Variants in HAGH observed in about 807,000 individuals in gnomAD.
The protein encoded by HAGH is hydroxyacylglutathione hydrolase, also known as hydroxyacylglutathione hydrolase, mitochondrial.
A neutral mutation model predicts 35.1 loss-of-function variants in HAGH; 29 were observed. The ratio of observed to expected loss-of-function variants is 0.83; its 90% CI spans 0.62 to 1.13. The LOEUF (loss-of-function observed/expected upper bound fraction) is 1.13, where lower values mean the gene tolerates loss of function less well. Ranked by LOEUF, HAGH falls within the 50% of genes most tolerant of loss-of-function variation. The pLI is 0.00. For missense variants in HAGH, 478 were observed against 419.6 expected, an observed-to-expected ratio of 1.14 and a Z score of -1.22; for synonymous variants, 225 against 176.1, an observed-to-expected ratio of 1.28 and a Z score of -2.20.
rs562190066 is a variant in HAGH, at chr16:1,811,677, C to T, written c.748-1844G>A. On this transcript the variant is annotated intron_variant, in intron 7 of 8. Transcript: ENST00000397356. ...GCAGTAGTGAGCCGAGATCGCACCACTGCACTCCAGCTTGGGTGACAGAGT... is the reference window on the plus strand; with the variant it reads ...GCAGTAGTGAGCCGAGATCGCACCATTGCACTCCAGCTTGGGTGACAGAGT... 3.3e-5 allele frequency among the ~76,000 whole-genome samples: 5 copies of T among 152,164 alleles called. No individual in the cohort carries two copies. In the South Asian group the frequency reaches 1.0e-3, roughly 32 times the overall value.
chr16:1,809,592 C>T (rs112220973), intron 8 of HAGH, 162 bp downstream of exon 8: 13,245 of 694,014 alleles, frequency 0.019, 211 homozygotes, highest in South Asian at 0.019. Flanking sequence ...CAGGAAAGGC[C>T]GGACCCCCCT....
At chr16:1,820,154 A>C (rs1234524083) in intron 3 of HAGH, 140 bp from the exon 4 acceptor site, 5 of 692,274 alleles carry the variant, frequency 7.2e-6, no homozygotes, top group Non-Finnish European at 1.3e-5. Flanking sequence ...TTCCACTCAC[A>C]AAGGAAACCG....
intron 7 of HAGH, chr16:1,810,190 C>T (rs1463436011): frequency 8.1e-6 from 2 of 247,034 alleles, no homozygotes; most frequent in Admixed American, 4.9e-5. Flanking sequence ...TCCTGGTAAC[C>T]TTAGGACACT....
At chr16:1,809,940 G>C in intron 7 of HAGH, 107 bp from the exon 8 acceptor site, 1 of 777,900 alleles carries the variant, frequency 1.3e-6, no homozygotes, top group Non-Finnish European at 2.2e-6. Flanking sequence ...AAGGCAGATG[G>C]ATCACTTGAG....
chr16:1,817,094 G>A (rs762163912), intron 6 of HAGH, 74 bp downstream of exon 6: 16 of 1,319,932 alleles, frequency 1.2e-5, no homozygotes, highest in Admixed American at 1.7e-5. Context: ...CCGGTGAGAG[G>A]GTGCCAGGAG....
chr16:1,813,194 C>T (rs1897742167), intron 7 of HAGH, among the ~76,000 whole-genome samples: 1 of 152,130 alleles, frequency 6.6e-6, no homozygotes. Context: ...CTGTTAGTTC[C>T]CACAGGATCT....
intron 3 of HAGH, chr16:1,821,772 T>TA (rs1348569910): frequency 1.3e-5 from 2 of 152,354 alleles, no homozygotes; most frequent in Non-Finnish European, 2.9e-5. Flanking sequence ...TAGCTGAGAT[T>TA]ACAGGCGCCC....
chr16:1,813,384 C>T (rs1320802766), intron 7 of HAGH, among the ~76,000 whole-genome samples: 2 of 152,164 alleles, frequency 1.3e-5, no homozygotes, highest in Admixed American at 1.3e-4. Flanking sequence ...CATAAACCTC[C>T]TTTTATAAGT....
rs1301242540 is a variant in HAGH, at chr16:1,824,589, CTGGG to C, written c.77-1556_77-1553del. ...GAAGGTGGCAGAGGACAGTGCAGTC[CTGGG>C]GTAGGTGCCACGGCAGGGGCTTCTC... is the stretch of plus-strand genomic sequence containing the variant. On this transcript the variant is annotated intron_variant, in intron 1 of 8. Coordinates refer to ENST00000397356, the MANE Select transcript of HAGH (RefSeq NM_005326.6). 2.0e-5 allele frequency among the ~76,000 whole-genome samples: 3 copies of C among 152,206 alleles called. No individual in the cohort carries two copies. The East Asian group carries it at 5.8e-4, about 29-fold the overall frequency.
chr16:1,811,001 A>G (rs1186897959), intron 7 of HAGH: 1 of 152,262 alleles, frequency 6.6e-6, no homozygotes, highest in East Asian at 1.9e-4. Flanking sequence ...TAACACTTCT[A>G]AGGAGACCTT....
chr16:1,826,527 G>GGCCCCGCGCCC (rs1240601391), intron 1 of HAGH, 185 bp downstream of exon 1: 2 of 980,806 alleles, frequency 2.0e-6, no homozygotes, highest in East Asian at 2.3e-4. Flanking sequence ...CCGCACCCGC[G>GGCCCCGCGCCC]GCCCCGCGCC....
intron 1 of HAGH, 141 bp downstream of exon 1, chr16:1,826,571 C>T: frequency 2.0e-6 from 2 of 982,772 alleles, no homozygotes; most frequent in Non-Finnish European, 2.4e-6. Context: ...TGCGCCGCCT[C>T]CGCTCGAGCC....
At chr16:1,816,182 C>T (rs1352354074) in intron 7 of HAGH, among the ~76,000 whole-genome samples, 3 of 128,972 alleles carry the variant, frequency 2.3e-5, no homozygotes, top group African/African-American at 9.0e-5. Context: ...CCAGCCTGGG[C>T]GACAGAGGGA....
At chr16:1,827,139 CG>C (rs999382158), upstream of HAGH, 67 of 1,479,500 alleles carry the variant, frequency 4.5e-5, no homozygotes, top group Non-Finnish European at 5.7e-5. Context: ...GCCGTCGCTG[CG>C]GGGGACAGCG....
intron 5 of HAGH, 98 bp from the exon 6 acceptor site, chr16:1,817,369 C>G: frequency 1.2e-6 from 1 of 804,934 alleles, no homozygotes; most frequent in Non-Finnish European, 2.2e-6. Context: ...CGGCAAGGCC[C>G]AGGCCCCGAA....
chr16:1,814,726 A>T (rs1217623344), intron 7 of HAGH, among the ~76,000 whole-genome samples: 1 of 151,794 alleles, frequency 6.6e-6, no homozygotes, highest in African/African-American at 2.4e-5. Flanking sequence ...GGTGAAACCC[A>T]TCTCTACTAA....
At chr16:1,812,448 G>A (rs1165565309) in intron 7 of HAGH, 2 of 151,262 alleles carry the variant, frequency 1.3e-5, no homozygotes, top group Non-Finnish European at 2.9e-5. Context: ...GGGTTGCGGT[G>A]AGCCGAGATC....
chr16:1,818,841 C>T (rs966400952), intron 5 of HAGH: 6 of 457,560 alleles, frequency 1.3e-5, no homozygotes, highest in African/African-American at 1.2e-4. Context: ...AAGAAACTGA[C>T]TCCTTTCCCG....
intron 7 of HAGH, among the ~76,000 whole-genome samples, chr16:1,814,451 G>A (rs1348651645): frequency 6.8e-6 from 1 of 148,130 alleles, no homozygotes; most frequent in African/African-American, 2.5e-5. Flanking sequence ...TCCAGCCTGG[G>A]CAACAAGAGT....
Sources: gnomAD v4.1 joint callset for allele counts (sites outside exome capture counted in the v4.1 genomes callset) on GRCh38, gnomAD v4.1.1 for gene constraint, MANE v1.5 for transcripts, NCBI Gene and HGNC (gene_info 2026-07-23, HGNC 2026-07-21) for gene names.